Variants in MED27 observed in about 807,000 individuals in gnomAD.
The protein encoded by MED27 is mediator of RNA polymerase II transcription subunit 27.
MED27 carries 30 observed loss-of-function variants against 38.2 expected under a neutral mutation model. The ratio of observed to expected loss-of-function variants is 0.79; its 90% CI spans 0.59 to 1.07. The LOEUF (loss-of-function observed/expected upper bound fraction) is 1.07, where lower values mean the gene tolerates loss of function less well. MED27 is among the 50% of genes least tolerant of loss of function. The probability of loss-of-function intolerance (pLI) is 0.00; values close to 1 mark genes in which losing one functional copy is unlikely to be tolerated. For synonymous variants in MED27, 122 were observed against 153.5 expected (o/e 0.79, Z 1.52); for missense variants, 289 against 397.5 (o/e 0.73, Z 2.32).
rs996675353 is a variant in MED27 at position 131,917,653 on chromosome 9, T to G, written c.573+21728A>C. ...GTGACAATGGGGATGCCACCCGCAA[T>G]GTAATCAGTGCTAGAGATTACAGTT... On this transcript the variant is annotated intron_variant, in intron 4 of 7. Coordinates refer to ENST00000292035, the MANE Select transcript of MED27 (RefSeq NM_004269.4). The surrounding 1 kb of genome is among the most constrained non-coding windows in gnomAD (Gnocchi z 4.6). Among the ~76,000 whole-genome samples, 2 of 152,232 alleles carry G rather than the reference T, an allele frequency of 1.3e-5. No homozygotes were observed. Among genetic ancestry groups the G allele is most frequent in the African/African-American group, 4.8e-5 (2 of 41,460 alleles).
At chr9:132,034,625 C>T (rs532682988) in intron 2 of MED27, among the ~76,000 whole-genome samples, 7 of 152,280 alleles carry the variant, frequency 4.6e-5, no homozygotes, top group Admixed American at 2.0e-4. Flanking sequence ...GTTTCTGACA[C>T]GGTACCAGAA....
rs199884257 is a variant in MED27 at position 132,063,618 on chromosome 9, TA to T, written c.348+13823del. The stretch of plus-strand genomic sequence containing the variant: ...GTTTTAGACTGGGAAAAACAAGGGA[TA>T]GGGGAATGTTGGCCTCCATAATCCT... On this transcript the variant is annotated intron_variant, in intron 2 of 7. Coordinates refer to ENST00000292035, the MANE Select transcript of MED27 (RefSeq NM_004269.4). Among the ~76,000 whole-genome samples the T allele has an allele frequency of 5.1e-4, 78 of 152,296 alleles. No individual in the cohort carries two copies. In the East Asian group the frequency reaches 0.012, roughly 24 times the overall value.
chr9:132,078,380 G>T (rs1834101603), intron 1 of MED27, among the ~76,000 whole-genome samples: 2 of 152,096 alleles, frequency 1.3e-5, no homozygotes, highest in Admixed American at 1.3e-4. Flanking sequence ...ATTTAAAATG[G>T]TGAAGGGTTA....
intron 2 of MED27, among the ~76,000 whole-genome samples, chr9:132,057,854 G>A (rs904697487): frequency 1.3e-5 from 2 of 152,338 alleles, no homozygotes; most frequent in African/African-American, 2.4e-5. Context: ...CCAGTGAGTG[G>A]AGCCCGGTGA....
intron 4 of MED27, among the ~76,000 whole-genome samples, chr9:131,926,714 G>C (rs1271237236): frequency 1.3e-5 from 2 of 152,186 alleles, no homozygotes; most frequent in Non-Finnish European, 1.5e-5. Flanking sequence ...TCGGGGTGGA[G>C]TACAATGAGA....
At chr9:131,948,452 A>C (rs1183627604) in intron 3 of MED27, among the ~76,000 whole-genome samples, 1 of 151,552 alleles carries the variant, frequency 6.6e-6, no homozygotes, top group Non-Finnish European at 1.5e-5. Context: ...ATGCCACTGC[A>C]CTCCGGCCTG....
intron 4 of MED27, among the ~76,000 whole-genome samples, chr9:131,933,802 C>G (rs1158692854): frequency 2.6e-5 from 4 of 151,844 alleles, no homozygotes; most frequent in Admixed American, 1.3e-4. Context: ...TATATGGAAC[C>G]ACAAAAGATC....
Position 131,872,376 on chromosome 9 carries a change from GA to G in MED27, c.724-9237del, listed in dbSNP as rs1838853266. ...GAAGAGCGGGCGCCTCTACTATTCG[GA>G]GTATTTCCTCACAAGATTAGTAAAC... On this transcript the variant is annotated intron_variant, in intron 6 of 7. Coordinates refer to ENST00000292035, the MANE Select transcript of MED27 (RefSeq NM_004269.4). This position sits in a 1 kb window ranked among gnomAD's most constrained non-coding sequence, Gnocchi z 5.6. Among the ~76,000 whole-genome samples the G allele has an allele frequency of 1.3e-5, 2 of 152,226 alleles. No homozygotes were observed. The highest frequency in any genetic ancestry group is 6.5e-5 in the Admixed American group (1 of 15,288).
At chr9:131,969,354 G>T (rs920142453) in intron 3 of MED27, among the ~76,000 whole-genome samples, 1 of 151,952 alleles carries the variant, frequency 6.6e-6, no homozygotes, top group Non-Finnish European at 1.5e-5. Flanking sequence ...GGGTGAGCCT[G>T]GATTTTTAGT....
At position 131,920,804 on chromosome 9, in the gene MED27, G is replaced by C. The variant is rs78478866; in HGVS notation, c.573+18577C>G. Reference sequence around the variant, plus strand: ...TGGTGGGGGAGAGGGGGTGGAGTCAGGGCAGATGATGGGCTGTCACAGGGG... The same window carrying C: ...TGGTGGGGGAGAGGGGGTGGAGTCACGGCAGATGATGGGCTGTCACAGGGG... On this transcript the variant is annotated intron_variant, in intron 4 of 7. Transcript: ENST00000292035. Among the ~76,000 whole-genome samples the C allele has an allele frequency of 6.8e-3, 1,029 of 152,172 alleles. 14 individuals are homozygous for C. The highest frequency in any genetic ancestry group is 0.024 in the African/African-American group (982 of 41,486).
intron 3 of MED27, among the ~76,000 whole-genome samples, chr9:131,959,058 T>A (rs1427661441): frequency 6.6e-6 from 1 of 152,206 alleles, no homozygotes; most frequent in Non-Finnish European, 1.5e-5. Context: ...CAAAACAATT[T>A]TTGGATAGAA....
intron 3 of MED27, among the ~76,000 whole-genome samples, chr9:131,955,112 A>C (rs1463122626): frequency 6.6e-6 from 1 of 152,198 alleles, no homozygotes; most frequent in Admixed American, 6.5e-5. Context: ...TGAAGTGAAA[A>C]ATAAATAACA....
intron 6 of MED27, among the ~76,000 whole-genome samples, chr9:131,876,451 T>C (rs554493511): frequency 6.7e-4 from 102 of 152,212 alleles, no homozygotes; most frequent in Non-Finnish European, 1.4e-3. Flanking sequence ...GGGAGCCTTG[T>C]GCAGGAAAGG....
At chr9:131,869,486 G>A (rs192366645) in intron 6 of MED27, 29 of 889,566 alleles carry the variant, frequency 3.3e-5, no homozygotes, top group Non-Finnish European at 3.9e-5. Flanking sequence ...ATGAGATTCC[G>A]CTGGGAGATA....
chr9:132,041,132 G>C (rs1187511907), intron 2 of MED27, among the ~76,000 whole-genome samples: 9 of 152,202 alleles, frequency 5.9e-5, no homozygotes, highest in Non-Finnish European at 1.2e-4. Context: ...GAAACAAAAA[G>C]AGCAAAGGGA....
At chr9:131,876,875 C>T (rs917148991) in intron 6 of MED27, among the ~76,000 whole-genome samples, 1 of 152,242 alleles carries the variant, frequency 6.6e-6, no homozygotes, top group Non-Finnish European at 1.5e-5. Context: ...GCTGTCCCCT[C>T]AGTTCTATCT....
intron 2 of MED27, among the ~76,000 whole-genome samples, chr9:132,019,297 T>C (rs1832670437): frequency 1.3e-5 from 2 of 152,242 alleles, no homozygotes; most frequent in African/African-American, 2.4e-5. Flanking sequence ...ACAAGTAGAC[T>C]GGCAGATTCA....
At chr9:132,053,419 G>A (rs560460961) in intron 2 of MED27, among the ~76,000 whole-genome samples, 1 of 152,092 alleles carries the variant, frequency 6.6e-6, no homozygotes, top group Admixed American at 6.5e-5. Flanking sequence ...AAAGAGATTT[G>A]GGTACCTAGC....
At chr9:132,060,367 T>C (rs768838452) in intron 2 of MED27, among the ~76,000 whole-genome samples, 8 of 152,194 alleles carry the variant, frequency 5.3e-5, no homozygotes, top group East Asian at 1.9e-4. Context: ...GCCAGCTCCA[T>C]GTACACCTGT....
Sources: allele counts gnomAD v4.1 joint callset (sites outside exome capture counted in the v4.1 genomes callset), GRCh38; gene constraint gnomAD v4.1.1; non-coding constraint Gnocchi (gnomAD v3.1); transcripts MANE v1.5; gene names NCBI Gene and HGNC (gene_info 2026-07-23, HGNC 2026-07-21).